Variants in MAF observed in about 807,000 individuals in gnomAD.
MAF encodes the protein transcription factor Maf.
Under a neutral mutation model 22.0 loss-of-function variants are expected in MAF, and 10 were observed. That is an observed-to-expected ratio of 0.45 (90% CI 0.28 to 0.77). MAF has a LOEUF of 0.77. Among genes scored for constraint, MAF ranks in the 30% least tolerant of loss-of-function variants. MAF has a pLI of 0.12. For synonymous variants in MAF, 337 were observed against 255.8 expected (o/e 1.32, Z -3.03); for missense variants, 544 against 548.4 (o/e 0.99, Z 0.08).
the MAF span, among the ~76,000 whole-genome samples, chr16:79,529,698 C>T: frequency 1.2e-4 from 19 of 152,286 alleles, no homozygotes; most frequent in African/African-American, 3.4e-4. Flanking sequence ...CGGTGGCTCA[C>T]GCCTGTAATC....
chr16:79,478,852 C>G, the MAF span, among the ~76,000 whole-genome samples: 2 of 151,828 alleles, frequency 1.3e-5, no homozygotes, highest in African/African-American at 4.8e-5. Context: ...CACCTTTGCA[C>G]CACACCAGCA....
At chr16:79,454,799 T>C in the MAF span, among the ~76,000 whole-genome samples, 2 of 149,700 alleles carry the variant, frequency 1.3e-5, no homozygotes, top group Non-Finnish European at 3.0e-5. Context: ...TTTTACCCCA[T>C]AGCTGTGATC....
chr16:79,499,591 C>T, the MAF span, among the ~76,000 whole-genome samples: 13,847 of 152,110 alleles, frequency 0.091, 896 homozygotes, highest in Admixed American at 0.2. Flanking sequence ...GGGGTTAGTG[C>T]CTTTATAAAA....
chr16:79,498,421 T>C, the MAF span, among the ~76,000 whole-genome samples: 1 of 152,190 alleles, frequency 6.6e-6, no homozygotes, highest in Non-Finnish European at 1.5e-5. Context: ...TAGAAGAAAT[T>C]TGTTTTCAAC....
chr16:79,334,845 G>C, the MAF span, among the ~76,000 whole-genome samples: 1 of 89,054 alleles, frequency 1.1e-5, no homozygotes, highest in South Asian at 4.6e-4. Context: ...TAAAGTGTGT[G>C]TGTGTGTGTG....
At chr16:79,318,328 G>T in the MAF span, among the ~76,000 whole-genome samples, 3 of 152,180 alleles carry the variant, frequency 2.0e-5, no homozygotes, top group Non-Finnish European at 4.4e-5. Flanking sequence ...GGATTGCCCA[G>T]TCATAGTCAT....
chr16:79,245,853 C>T, the MAF span, among the ~76,000 whole-genome samples: 18,904 of 151,990 alleles, frequency 0.12, 1,557 homozygotes, highest in Middle Eastern at 0.2. Flanking sequence ...GTGGCACATA[C>T]ACACCATGGA....
the MAF span, among the ~76,000 whole-genome samples, chr16:79,549,322 G>C: frequency 6.6e-6 from 1 of 152,152 alleles, no homozygotes; most frequent in African/African-American, 2.4e-5. Context: ...CTTGTTTCCA[G>C]CTGGGGAAAT....
chr16:79,505,511 A>G, the MAF span: 1 of 152,256 alleles, frequency 6.6e-6, no homozygotes, highest in Non-Finnish European at 1.5e-5. Flanking sequence ...TCTGATCACC[A>G]GTATGTCCGG....
chr16:79,330,655 G>C, the MAF span, among the ~76,000 whole-genome samples: 1 of 152,182 alleles, frequency 6.6e-6, no homozygotes, highest in African/African-American at 2.4e-5. Context: ...CAAAGGGAGA[G>C]GTAGTCATCA....
chr16:79,301,194 C>T, the MAF span, among the ~76,000 whole-genome samples: 1 of 152,062 alleles, frequency 6.6e-6, no homozygotes, highest in Non-Finnish European at 1.5e-5. Context: ...GATTTGTTTT[C>T]CTAACTGCAT....
chr16:79,538,709 C>T, the MAF span, among the ~76,000 whole-genome samples: 1 of 151,882 alleles, frequency 6.6e-6, no homozygotes, highest in Non-Finnish European at 1.5e-5. Flanking sequence ...GCTTGTGGTC[C>T]CAGCTACTCA....
At chr16:79,272,282 A>T in the MAF span, among the ~76,000 whole-genome samples, 1 of 152,092 alleles carries the variant, frequency 6.6e-6, no homozygotes, top group Non-Finnish European at 1.5e-5. Flanking sequence ...GAAGAGAAAA[A>T]CCCAAACCAC....
the MAF span, among the ~76,000 whole-genome samples, chr16:79,439,891 A>G: frequency 6.6e-6 from 1 of 152,174 alleles, no homozygotes; most frequent in African/African-American, 2.4e-5. Flanking sequence ...AATTTGACAT[A>G]ACCCAGTGCA....
the MAF span, among the ~76,000 whole-genome samples, chr16:79,227,505 C>T: frequency 3.9e-5 from 6 of 151,984 alleles, no homozygotes; most frequent in East Asian, 1.9e-4. Flanking sequence ...CTGCCATGGT[C>T]GAGTAACGGT....
the MAF span, among the ~76,000 whole-genome samples, chr16:79,533,545 G>T: frequency 6.6e-6 from 1 of 152,070 alleles, no homozygotes; most frequent in Non-Finnish European, 1.5e-5. Context: ...AGAGGAAGAC[G>T]GCAGGGGGAG....
At chr16:79,242,616 C>T in the MAF span, among the ~76,000 whole-genome samples, 1 of 151,992 alleles carries the variant, frequency 6.6e-6, no homozygotes, top group Non-Finnish European at 1.5e-5. Context: ...GAGACTTTAA[C>T]ACCCCACTGT....
chr16:79,362,289 C>T, the MAF span, among the ~76,000 whole-genome samples: 1 of 152,196 alleles, frequency 6.6e-6, no homozygotes. Context: ...TGTTAGCGTG[C>T]AGCATCTGAT....
chr16:79,388,267 TTTTATAACCTTTGTAGA>T, the MAF span, among the ~76,000 whole-genome samples: 3 of 37,218 alleles, frequency 8.1e-5, no homozygotes, highest in Non-Finnish European at 1.4e-4. Context: ...ATAGCATGAG[TTTTATAACCTTTGTAGA>T]AAGTTCATAT....
Sources: allele counts gnomAD v4.1 joint callset (sites outside exome capture counted in the v4.1 genomes callset), GRCh38; gene constraint gnomAD v4.1.1; transcripts MANE v1.5; gene names NCBI Gene and HGNC (gene_info 2026-07-23, HGNC 2026-07-21).